The following PHF24 variants were observed in gnomAD, a reference collection of about 807,000 sequenced individuals.
The protein encoded by PHF24 is Galpha inhibitory interacting protein.
In PHF24, 25 loss-of-function variants were observed where a neutral mutation model predicts 42.6. That is an observed-to-expected ratio of 0.59 (90% confidence interval 0.43 to 0.82). The LOEUF is 0.82. Among genes scored for constraint, PHF24 ranks in the 40% least tolerant of loss-of-function variants. PHF24 has a pLI of 0.00. For missense variants in PHF24, 470 were observed against 538.1 expected, an observed-to-expected ratio of 0.87 and a Z score of 1.25; for synonymous variants, 185 against 204.8, an observed-to-expected ratio of 0.90 and a Z score of 0.83.
At chr9:34,857,439 A>G in the PHF24 span, among the ~76,000 whole-genome samples, 1 of 152,142 alleles carries the variant, frequency 6.6e-6, no homozygotes, top group Non-Finnish European at 1.5e-5. Context: ...TGATGGTGTA[A>G]GCTCACAAGG....
chr9:34,820,874 C>T, the PHF24 span, among the ~76,000 whole-genome samples: 1 of 152,202 alleles, frequency 6.6e-6, no homozygotes, highest in South Asian at 2.1e-4. Flanking sequence ...ATTCCTTTTT[C>T]TCCACAATCT....
chr9:34,812,072 A>G, the PHF24 span, among the ~76,000 whole-genome samples: 1 of 152,192 alleles, frequency 6.6e-6, no homozygotes, highest in Non-Finnish European at 1.5e-5. Context: ...GGAAAATACA[A>G]ATCAAAACTA....
chr9:34,715,019 G>T, the PHF24 span, among the ~76,000 whole-genome samples: 2 of 152,112 alleles, frequency 1.3e-5, no homozygotes, highest in Non-Finnish European at 2.9e-5. Context: ...GCCTGCAGTG[G>T]TAGAGCAGTC....
the PHF24 span, among the ~76,000 whole-genome samples, chr9:34,853,091 T>G: frequency 6.6e-6 from 1 of 152,248 alleles, no homozygotes; most frequent in Non-Finnish European, 1.5e-5. Context: ...TAATATTGGC[T>G]GTGGGTTTGT....
At chr9:34,934,693 CT>C in the PHF24 span, among the ~76,000 whole-genome samples, 1 of 152,174 alleles carries the variant, frequency 6.6e-6, no homozygotes, top group Non-Finnish European at 1.5e-5. Context: ...CTGCCCTTCC[CT>C]TACACAGGAA....
the PHF24 span, among the ~76,000 whole-genome samples, chr9:34,905,658 G>C: frequency 1.3e-5 from 2 of 152,188 alleles, no homozygotes; most frequent in African/African-American, 4.8e-5. Flanking sequence ...TTGAAGCTGA[G>C]AGAGGATTTT....
chr9:34,715,672 G>A, the PHF24 span, among the ~76,000 whole-genome samples: 5 of 152,206 alleles, frequency 3.3e-5, no homozygotes, highest in Non-Finnish European at 7.3e-5. Flanking sequence ...GGTACCTGGG[G>A]TGAAGGATAA....
chr9:34,922,139 A>G, the PHF24 span: 1 of 1,498,348 alleles, frequency 6.7e-7, no homozygotes. Flanking sequence ...CAAATGGTCT[A>G]CTGTGTAAAT....
chr9:34,955,037 C>T (rs1243170886), upstream of PHF24, among the ~76,000 whole-genome samples: 1 of 152,184 alleles, frequency 6.6e-6, no homozygotes, highest in Non-Finnish European at 1.5e-5. Flanking sequence ...CACGACAGCA[C>T]AGCTTCGCTG....
the PHF24 span, among the ~76,000 whole-genome samples, chr9:34,801,603 T>C: frequency 6.6e-6 from 1 of 152,152 alleles, no homozygotes; most frequent in African/African-American, 2.4e-5. Context: ...GGCGGGCACC[T>C]GTAGTCCCAG....
the PHF24 span, among the ~76,000 whole-genome samples, chr9:34,839,327 A>G: frequency 5.3e-5 from 8 of 152,092 alleles, no homozygotes; most frequent in South Asian, 4.1e-4. Context: ...GGTTGGATCT[A>G]TTCATCTCTG....
At chr9:34,830,343 T>C in the PHF24 span, among the ~76,000 whole-genome samples, 1 of 152,218 alleles carries the variant, frequency 6.6e-6, no homozygotes, top group Non-Finnish European at 1.5e-5. Flanking sequence ...TTTGGTCACT[T>C]CAGCCAGAAA....
the PHF24 span, chr9:34,725,809 G>A: frequency 6.5e-7 from 1 of 1,549,544 alleles, no homozygotes; most frequent in Non-Finnish European, 8.7e-7. Flanking sequence ...GGAGCAGTTG[G>A]GGGAAGGAGA....
At chr9:34,882,326 C>A in the PHF24 span, among the ~76,000 whole-genome samples, 2 of 152,270 alleles carry the variant, frequency 1.3e-5, no homozygotes, top group South Asian at 4.1e-4. Flanking sequence ...CCTCTCTCAC[C>A]ACTCCTATTC....
the PHF24 span, among the ~76,000 whole-genome samples, chr9:34,730,561 C>T: frequency 2.6e-5 from 4 of 152,176 alleles, no homozygotes; most frequent in East Asian, 1.9e-4. Flanking sequence ...ACATTTGAGC[C>T]GCATTGGCTT....
chr9:34,833,660 T>C, the PHF24 span: 1 of 1,518,894 alleles, frequency 6.6e-7, no homozygotes, highest in Non-Finnish European at 8.9e-7. Context: ...CTGGAGTGAG[T>C]GGGGGCTAGT....
At chr9:34,868,026 T>C in the PHF24 span, among the ~76,000 whole-genome samples, 1 of 152,294 alleles carries the variant, frequency 6.6e-6, no homozygotes, top group Admixed American at 6.5e-5. Flanking sequence ...CTAATCATTG[T>C]GGTTGCGGAA....
the PHF24 span, chr9:34,892,793 C>T: frequency 1.5e-5 from 9 of 610,104 alleles, no homozygotes; most frequent in East Asian, 1.1e-4. Flanking sequence ...TCTCTGTCCT[C>T]GCTGAAAGTG....
the PHF24 span, among the ~76,000 whole-genome samples, chr9:34,707,574 C>T: frequency 6.6e-6 from 1 of 152,178 alleles, no homozygotes; most frequent in African/African-American, 2.4e-5. Context: ...CCTGTCTTCA[C>T]CTGCTGCAAG....
Sources: allele counts gnomAD v4.1 joint callset (sites outside exome capture counted in the v4.1 genomes callset), GRCh38; gene constraint gnomAD v4.1.1; transcripts MANE v1.5; gene names NCBI Gene and HGNC (gene_info 2026-07-23, HGNC 2026-07-21).